Variants in C1orf21 observed in about 807,000 individuals in gnomAD.
C1orf21 encodes the protein uncharacterized protein C1orf21.
A neutral mutation model predicts 18.7 loss-of-function variants in C1orf21; 3 were observed. The observed-to-expected ratio is 0.16, with a 90% CI of 0.07 to 0.42. The LOEUF (loss-of-function observed/expected upper bound fraction) is 0.42. Among genes scored for constraint, C1orf21 ranks in the 10% least tolerant of loss-of-function variants. The pLI is 0.99. For missense variants in C1orf21, 104 were observed against 143.6 expected (o/e 0.72, Z 1.41); for synonymous variants, 41 against 46.4 (o/e 0.88, Z 0.47).
chr1:184,530,573 G>A (rs1161527863), intron 3 of C1orf21, among the ~76,000 whole-genome samples: 6 of 147,526 alleles, frequency 4.1e-5, no homozygotes, highest in African/African-American at 1.5e-4. Context: ...TCTCCCGAGA[G>A]TCTTAAAAGT....
At position 184,470,924 on chromosome 1, in the gene C1orf21, T is replaced by C. The variant is rs544884086; in HGVS notation, c.-124-6462T>C. ...AAAGAGAACTCAAAGTCCAGGAATA[T>C]CTGCCATTGCCTTTGACCACTGAGG... On this transcript the variant is annotated intron_variant, in intron 1 of 5. Coordinates refer to ENST00000235307, the MANE Select transcript of C1orf21 (RefSeq NM_030806.4). Among the ~76,000 whole-genome samples, 19 of 151,742 alleles carry C rather than the reference T, an allele frequency of 1.3e-4. No individual in the cohort carries two copies. The South Asian group carries it at 4.0e-3, about 32-fold the overall frequency.
rs1209812182 is a variant in C1orf21 at position 184,618,871 on chromosome 1, TTCA to T, written c.328-645_328-643del. 2.0e-5 allele frequency among the ~76,000 whole-genome samples: 3 copies of T among 152,214 alleles called. No homozygotes were observed. The East Asian group carries it at 5.8e-4, about 29-fold the overall frequency. On this transcript the variant is annotated intron_variant, in intron 5 of 5. Coordinates refer to ENST00000235307, the MANE Select transcript of C1orf21 (RefSeq NM_030806.4). ...CTTAAAGCCCAGCCCCAATCATGTC[TTCA>T]TTGAGTTTATGACCTAGAGGAGAGA...
intron 3 of C1orf21, among the ~76,000 whole-genome samples, chr1:184,561,913 A>G (rs1046350118): frequency 3.9e-5 from 6 of 152,104 alleles, no homozygotes; most frequent in Non-Finnish European, 8.8e-5. Context: ...TTTTAAAAAC[A>G]TGTTCCTTTG....
chr1:184,577,947 G>GTTTTTTTTTTTTTTTTTTTTTTTTTTTT (rs201196718), intron 3 of C1orf21, among the ~76,000 whole-genome samples: 1 of 86,752 alleles, frequency 1.2e-5, no homozygotes. Flanking sequence ...TTTTTGTTTT[G>GTTTTTTTTTTTTTTTTTTTTTTTTTTTT]TTTTTGTTTT....
intron 3 of C1orf21, among the ~76,000 whole-genome samples, chr1:184,585,133 A>G (rs1362293525): frequency 6.6e-6 from 1 of 152,222 alleles, no homozygotes; most frequent in Non-Finnish European, 1.5e-5. Flanking sequence ...TAATTAAATA[A>G]TTAATAGTTC....
At chr1:184,533,039 A>C (rs1249622993) in intron 3 of C1orf21, among the ~76,000 whole-genome samples, 1 of 152,060 alleles carries the variant, frequency 6.6e-6, no homozygotes, top group South Asian at 2.1e-4. Flanking sequence ...TATATAGCTA[A>C]TCATGTCATT....
In C1orf21 at chr1:184,598,405, C is replaced by T; in HGVS notation, c.271C>T (p.His91Tyr). 6.2e-7 allele frequency: 1 copy of T among 1,613,406 alleles called. No individual in the cohort carries two copies. The highest frequency in any genetic ancestry group is 8.5e-7 in the Non-Finnish European group (1 of 1,179,824). The change falls in exon 5 of 6, where the codon CAC (histidine) becomes TAC (tyrosine). Residue 91 changes from histidine to tyrosine, a missense_variant. Coordinates refer to ENST00000235307, the MANE Select transcript of C1orf21 (RefSeq NM_030806.4). The stretch of plus-strand genomic sequence containing the variant: ...TAACTACCCTTTGTTTTTCAGCATG[C>T]ACATCTCTGAAAGCCAACAAGAATT... ...GLVHQPRANMHISESQQEFFR... is the reference protein window; with the variant it reads ...GLVHQPRANMYISESQQEFFR...
At chr1:184,502,317 A>T (rs1447024652) in intron 2 of C1orf21, among the ~76,000 whole-genome samples, 2 of 152,210 alleles carry the variant, frequency 1.3e-5, no homozygotes, top group Non-Finnish European at 2.9e-5. Context: ...AAGGCCTTTT[A>T]CAAGGGGCTG....
intron 1 of C1orf21, among the ~76,000 whole-genome samples, chr1:184,419,809 A>G (rs1177453150): frequency 1.3e-5 from 2 of 152,182 alleles, no homozygotes; most frequent in African/African-American, 4.8e-5. Flanking sequence ...GTCACTGGGC[A>G]TCGAGGCCAG....
At chr1:184,450,721 G>C (rs546849896) in intron 1 of C1orf21, among the ~76,000 whole-genome samples, 2 of 151,942 alleles carry the variant, frequency 1.3e-5, no homozygotes, top group Non-Finnish European at 2.9e-5. Flanking sequence ...AAATTTATGT[G>C]GCTGAAAGGC....
chr1:184,574,808 G>T (rs1659163432), intron 3 of C1orf21, among the ~76,000 whole-genome samples: 1 of 152,178 alleles, frequency 6.6e-6, no homozygotes, highest in Non-Finnish European at 1.5e-5. Flanking sequence ...GAGCAGCAGG[G>T]GATGTGGCTC....
intron 1 of C1orf21, among the ~76,000 whole-genome samples, chr1:184,393,299 C>T (rs1656001437): frequency 6.6e-6 from 1 of 152,292 alleles, no homozygotes; most frequent in East Asian, 1.9e-4. Flanking sequence ...CCAGTGACTC[C>T]CTTCTTCCCT....
intron 3 of C1orf21, among the ~76,000 whole-genome samples, chr1:184,512,245 A>G (rs1448130146): frequency 2.0e-5 from 3 of 152,222 alleles, no homozygotes; most frequent in Non-Finnish European, 4.4e-5. Context: ...AGTACTTAAC[A>G]CAACTGTTTT....
At chr1:184,438,185 A>G (rs1656887400) in intron 1 of C1orf21, among the ~76,000 whole-genome samples, 1 of 152,194 alleles carries the variant, frequency 6.6e-6, no homozygotes, top group African/African-American at 2.4e-5. Flanking sequence ...CCTTCCTAGG[A>G]ACTCTCAAAA....
chr1:184,476,088 T>G (rs112628006), intron 1 of C1orf21, among the ~76,000 whole-genome samples: 12 of 152,228 alleles, frequency 7.9e-5, no homozygotes, highest in Non-Finnish European at 1.6e-4. Context: ...TTAGATCGAT[T>G]ATGTTAATTT....
intron 1 of C1orf21, among the ~76,000 whole-genome samples, chr1:184,430,522 A>G (rs1469284676): frequency 6.6e-6 from 1 of 152,230 alleles, no homozygotes; most frequent in Non-Finnish European, 1.5e-5. Context: ...TTACATTTTG[A>G]AAAACAGACT....
intron 5 of C1orf21, among the ~76,000 whole-genome samples, chr1:184,611,895 A>G (rs1571301655): frequency 6.6e-6 from 1 of 152,318 alleles, no homozygotes; most frequent in Non-Finnish European, 1.5e-5. Context: ...AAAAAACTGC[A>G]TATTGGTACA....
Position 184,628,141 on chromosome 1 carries a change from CCCGG to C in C1orf21, c.*8586_*8589del, listed in dbSNP as rs1660048032. The C allele has an allele frequency of 6.6e-6, 1 of 152,170 alleles. No individual in the cohort carries two copies. Among genetic ancestry groups the C allele is most frequent in the Non-Finnish European group, 1.5e-5 (1 of 68,042 alleles). 9.4% of individuals were successfully genotyped at this position (152,170 alleles called of 1,614,324 possible). On this transcript the variant is annotated 3_prime_UTR_variant, in exon 6 of 6. Coordinates refer to ENST00000235307, the MANE Select transcript of C1orf21 (RefSeq NM_030806.4). Reference sequence around the variant, plus strand: ...AGGCTTCCTCAGGTGAGTGTGGGAGCCCGGAAGGGTGGCCTCCCTAACCACTCTG... The same window carrying C: ...AGGCTTCCTCAGGTGAGTGTGGGAGCAAGGGTGGCCTCCCTAACCACTCTG...
intron 3 of C1orf21, among the ~76,000 whole-genome samples, chr1:184,562,592 A>T (rs1486102586): frequency 6.6e-6 from 1 of 152,232 alleles, no homozygotes; most frequent in Non-Finnish European, 1.5e-5. Flanking sequence ...GGGAATAATT[A>T]AGGCAACATA....
Sources: allele counts gnomAD v4.1 joint callset (sites outside exome capture counted in the v4.1 genomes callset), GRCh38; gene constraint gnomAD v4.1.1; transcripts MANE v1.5; gene names NCBI Gene and HGNC (gene_info 2026-07-23, HGNC 2026-07-21).